Variants in PRKCB observed in about 807,000 individuals in gnomAD.
PRKCB encodes protein kinase C beta, also known as protein kinase C beta type.
PRKCB carries 13 observed loss-of-function variants against 81.5 expected under a neutral mutation model. That is an observed-to-expected ratio of 0.16 (90% CI 0.10 to 0.25). The LOEUF is 0.25. Among genes scored for constraint, PRKCB ranks in the 10% least tolerant of loss-of-function variants. The pLI is 1.00. For missense variants in PRKCB, 509 were observed against 875.7 expected (o/e 0.58, Z 5.29); for synonymous variants, 335 against 321.4 (o/e 1.04, Z -0.45).
intron 2 of PRKCB, among the ~76,000 whole-genome samples, chr16:23,864,588 T>A (rs1432485202): frequency 6.6e-6 from 1 of 152,186 alleles, no homozygotes; most frequent in Non-Finnish European, 1.5e-5. Flanking sequence ...AAAAAACCTG[T>A]ATCTACTTCT....
At chr16:24,030,523 C>T (rs955884684) in intron 3 of PRKCB, among the ~76,000 whole-genome samples, 1 of 152,062 alleles carries the variant, frequency 6.6e-6, no homozygotes, top group Non-Finnish European at 1.5e-5. Flanking sequence ...TGCTTCCCAA[C>T]AGTCTTATAA....
intron 5 of PRKCB, among the ~76,000 whole-genome samples, chr16:24,085,288 A>G (rs1266835038): frequency 6.6e-6 from 1 of 152,150 alleles, no homozygotes; most frequent in Non-Finnish European, 1.5e-5. Context: ...AGAAGAATGG[A>G]TGATACGTTT....
At chr16:23,943,141 G>C (rs1033136123) in intron 2 of PRKCB, among the ~76,000 whole-genome samples, 1 of 152,158 alleles carries the variant, frequency 6.6e-6, no homozygotes, top group Admixed American at 6.5e-5. Flanking sequence ...CTTGTTGCAT[G>C]GGAAACTCAG....
At chr16:24,201,971 G>A (rs529157176) in intron 16 of PRKCB, among the ~76,000 whole-genome samples, 285 of 151,568 alleles carry the variant, frequency 1.9e-3, no homozygotes, top group African/African-American at 6.7e-3. Flanking sequence ...AGGAGGCGGA[G>A]CTTGCAGTGA....
At chr16:24,164,068 C>T (rs1967304753) in intron 10 of PRKCB, among the ~76,000 whole-genome samples, 1 of 152,252 alleles carries the variant, frequency 6.6e-6, no homozygotes, top group African/African-American at 2.4e-5. Flanking sequence ...CTTGCAGCAA[C>T]TTCCCTTGGA....
intron 9 of PRKCB, among the ~76,000 whole-genome samples, chr16:24,142,791 C>G (rs1292401595): frequency 6.6e-6 from 1 of 152,128 alleles, no homozygotes; most frequent in East Asian, 1.9e-4. Flanking sequence ...TGGGAAGAAT[C>G]CATGCAGGAG....
chr16:23,915,067 G>A (rs560423733), intron 2 of PRKCB, among the ~76,000 whole-genome samples: 3 of 152,278 alleles, frequency 2.0e-5, no homozygotes, highest in African/African-American at 7.2e-5. Context: ...TGTTTGCACT[G>A]TGTTAGAAAA....
chr16:23,894,164 G>A (rs953214781), intron 2 of PRKCB, among the ~76,000 whole-genome samples: 2 of 152,224 alleles, frequency 1.3e-5, no homozygotes, highest in African/African-American at 2.4e-5. Context: ...TGCAAGAGCA[G>A]CAAGGAGGCA....
At chr16:23,980,901 G>T (rs1964691193) in intron 2 of PRKCB, among the ~76,000 whole-genome samples, 1 of 151,962 alleles carries the variant, frequency 6.6e-6, no homozygotes, top group Admixed American at 6.6e-5. Context: ...GGGGTGAAGT[G>T]CAGTGTGAAG....
At chr16:23,844,438 AT>A (rs1214101859) in intron 2 of PRKCB, among the ~76,000 whole-genome samples, 1 of 152,072 alleles carries the variant, frequency 6.6e-6, no homozygotes, top group Admixed American at 6.5e-5. Flanking sequence ...CCACCTCTCT[AT>A]TCATCATCCG....
At chr16:23,987,840 T>C (rs546775666) in intron 2 of PRKCB, among the ~76,000 whole-genome samples, 1 of 152,334 alleles carries the variant, frequency 6.6e-6, no homozygotes, top group East Asian at 1.9e-4. Context: ...GTATACATTC[T>C]TTCATTGTAC....
intron 3 of PRKCB, among the ~76,000 whole-genome samples, chr16:24,019,092 C>G (rs1965325017): frequency 6.6e-6 from 1 of 151,890 alleles, no homozygotes; most frequent in African/African-American, 2.4e-5. Flanking sequence ...ATAGAAAAGT[C>G]TGTGCTGAGA....
In PRKCB at chr16:23,904,699, A is replaced by G. The variant is rs138565721; in HGVS notation, c.205+67293A>G. Among the ~76,000 whole-genome samples, 672 of 152,292 alleles carry G rather than the reference A, an allele frequency of 4.4e-3. 3 individuals carry two copies. Among genetic ancestry groups the G allele is most frequent in the Middle Eastern group, 0.014 (4 of 294 alleles). On this transcript the variant is annotated intron_variant, in intron 2 of 16. Coordinates refer to ENST00000643927, the MANE Select transcript of PRKCB (RefSeq NM_002738.7). The stretch of plus-strand genomic sequence containing the variant: ...AACAACAACAACAAAAAACCACAAC[A>G]CTTAGAAGAGTATCTAGCATATAGT...
chr16:24,218,444 C>T lies in PRKCB; in HGVS notation c.*3628C>T, dbSNP rs921381260. The stretch of plus-strand genomic sequence containing the variant: ...GACCCTACCCAGGAAACAGCTCCAT[C>T]AGCATCTTAGCCTGCCCCACTCTAG... On this transcript the variant is annotated 3_prime_UTR_variant, in exon 17 of 17. Coordinates refer to ENST00000643927, the MANE Select transcript of PRKCB (RefSeq NM_002738.7). The T allele has an allele frequency of 5.1e-6, 5 of 985,446 alleles. No individual in the cohort carries two copies. 61.0% of individuals were successfully genotyped at this position (985,446 alleles called of 1,614,324 possible).
At chr16:23,992,404 G>T (rs1964898117) in intron 3 of PRKCB, among the ~76,000 whole-genome samples, 1 of 152,130 alleles carries the variant, frequency 6.6e-6, no homozygotes. Flanking sequence ...AGAGAGCCTG[G>T]ATAGTCCGTG....
rs538290870 is a variant in PRKCB, at chr16:23,883,706, A to G, written c.205+46300A>G. ...GCAGATTTGGGAGGTAAAAGGACTT[A>G]CTGGTAAATGGGATATGAATTGGAA... On this transcript the variant is annotated intron_variant, in intron 2 of 16. Coordinates refer to ENST00000643927, the MANE Select transcript of PRKCB (RefSeq NM_002738.7). 5.3e-4 allele frequency among the ~76,000 whole-genome samples: 80 copies of G among 152,232 alleles called. No homozygotes were observed. In the South Asian group the frequency reaches 0.015, roughly 29 times the overall value.
chr16:24,061,337 A>G (rs1965971174), intron 5 of PRKCB, among the ~76,000 whole-genome samples: 1 of 152,258 alleles, frequency 6.6e-6, no homozygotes, highest in South Asian at 2.1e-4. Context: ...CTGGGATTAC[A>G]GGCATGAGCC....
At chr16:23,977,574 G>A (rs1398231683) in intron 2 of PRKCB, among the ~76,000 whole-genome samples, 2 of 152,114 alleles carry the variant, frequency 1.3e-5, no homozygotes, top group African/African-American at 2.4e-5. Context: ...ATCTCAGTCC[G>A]TACCTACAGA....
intron 5 of PRKCB, among the ~76,000 whole-genome samples, chr16:24,055,615 T>C (rs1965894597): frequency 2.0e-5 from 3 of 152,234 alleles, no homozygotes; most frequent in South Asian, 2.1e-4. Flanking sequence ...TCCACTGTCT[T>C]AGCCCGTTGT....
Sources: gnomAD v4.1 joint callset for allele counts (sites outside exome capture counted in the v4.1 genomes callset) on GRCh38, gnomAD v4.1.1 for gene constraint, MANE v1.5 for transcripts, NCBI Gene and HGNC (gene_info 2026-07-23, HGNC 2026-07-21) for gene names.